ANK3: variants seen among roughly 807,000 people sequenced by gnomAD.
ANK3 encodes the protein ankyrin-3.
A neutral mutation model predicts 370.9 loss-of-function variants in ANK3; 57 were observed. That is an observed-to-expected ratio of 0.15 (90% CI 0.12 to 0.19). The LOEUF (loss-of-function observed/expected upper bound fraction) is 0.19. ANK3 is among the 10% of genes least tolerant of loss of function. The probability of loss-of-function intolerance (pLI) is 1.00; values close to 1 mark genes in which losing one functional copy is unlikely to be tolerated. For synonymous variants in ANK3, 1,929 were observed against 1,946.3 expected (o/e 0.99, Z 0.23); for missense variants, 4,439 against 5,302.1 (o/e 0.84, Z 5.06).
chr10:60,532,342 G>A (rs570306742), intron 2 of ANK3, among the ~76,000 whole-genome samples: 24 of 152,218 alleles, frequency 1.6e-4, no homozygotes, highest in African/African-American at 5.8e-4. Context: ...CCAGGGTGCT[G>A]CTGTACCTCC....
chr10:60,095,659 GGCGTGAGCC>G (rs2089967921), intron 28 of ANK3, among the ~76,000 whole-genome samples: 1 of 152,088 alleles, frequency 6.6e-6, no homozygotes, highest in Non-Finnish European at 1.5e-5. Context: ...TTGGATTACA[GGCGTGAGCC>G]GCTGTGCCTG....
At chr10:60,409,406 C>T (rs1257351746) in intron 2 of ANK3, among the ~76,000 whole-genome samples, 2 of 152,114 alleles carry the variant, frequency 1.3e-5, no homozygotes, top group African/African-American at 4.8e-5. Flanking sequence ...GAATATCAGT[C>T]TATGTGGGTA....
intron 1 of ANK3, among the ~76,000 whole-genome samples, chr10:60,288,291 G>A (rs1255924007): frequency 1.1e-4 from 16 of 152,012 alleles, no homozygotes; most frequent in South Asian, 4.2e-4. Context: ...ATCCCTTCTC[G>A]CTCTGGACTC....
At chr10:60,228,234 C>T (rs1487724151) in intron 8 of ANK3, among the ~76,000 whole-genome samples, 1 of 152,020 alleles carries the variant, frequency 6.6e-6, no homozygotes, top group Non-Finnish European at 1.5e-5. Context: ...TACTGAATAA[C>T]CTACTATAAA....
intron 1 of ANK3, among the ~76,000 whole-genome samples, chr10:60,632,627 C>T (rs2133341647): frequency 6.6e-6 from 1 of 152,092 alleles, no homozygotes; most frequent in African/African-American, 2.4e-5. Flanking sequence ...TGGTTCATGC[C>T]TATGGTCCCA....
At chr10:60,122,262 A>G (rs12220169) in intron 25 of ANK3, among the ~76,000 whole-genome samples, 25,833 of 152,250 alleles carry the variant, frequency 0.17, 2,690 homozygotes, top group East Asian at 0.55. Context: ...AAAGGTAGCC[A>G]GGAAGGTTCT....
intron 2 of ANK3, among the ~76,000 whole-genome samples, chr10:60,486,305 G>T (rs975125905): frequency 1.3e-5 from 2 of 152,156 alleles, no homozygotes; most frequent in Non-Finnish European, 1.5e-5. Flanking sequence ...GTGGTCAGGC[G>T]CAATGGCTCA....
At chr10:60,527,420 G>C (rs1443630905) in intron 2 of ANK3, among the ~76,000 whole-genome samples, 1 of 152,088 alleles carries the variant, frequency 6.6e-6, no homozygotes, top group African/African-American at 2.4e-5. Context: ...ACACGAGAGA[G>C]AGAGAAGGGT....
At chr10:60,365,361 GA>G (rs2059252042) in intron 1 of ANK3, among the ~76,000 whole-genome samples, 4 of 152,142 alleles carry the variant, frequency 2.6e-5, no homozygotes, top group African/African-American at 7.2e-5. Context: ...ATCCAAATCT[GA>G]TAACACCTAT....
At chr10:60,727,648 C>T (rs900257712) in intron 1 of ANK3, among the ~76,000 whole-genome samples, 13 of 152,092 alleles carry the variant, frequency 8.5e-5, no homozygotes, top group African/African-American at 3.1e-4. Context: ...ACTTGACATC[C>T]TTAGAAACAG....
intron 1 of ANK3, among the ~76,000 whole-genome samples, chr10:60,306,114 G>A (rs75230589): frequency 0.14 from 21,725 of 151,744 alleles, 1,654 homozygotes; most frequent in African/African-American, 0.18. Context: ...ACATTGATAA[G>A]CTATTTAGAG....
chr10:60,069,207 C>G lies in ANK3; in HGVS notation c.11674G>C (p.Val3892Leu). Residue 3892 changes from valine to leucine, a missense_variant, in exon 37 of 44, where the codon GTT (valine) becomes CTT (leucine). Val to Leu is a conservative substitution (Grantham distance 32). Around this residue, in one of 13 missense-constraint regions of ANK3, gnomAD observed 496 missense variants for 529.3 expected, o/e 0.94. Coordinates refer to ENST00000280772, the MANE Select transcript of ANK3 (RefSeq NM_020987.5). Reference sequence around the variant, plus strand: ...GCTTTGGTTTTCTCGGATTGACTAACCTGCTTCATTTTACTTGCTTTAGTG... The same window carrying G: ...GCTTTGGTTTTCTCGGATTGACTAAGCTGCTTCATTTTACTTGCTTTAGTG... Reference protein sequence around the residue: ...SNTKASKMKQVSQSEKTKALT... With the variant: ...SNTKASKMKQLSQSEKTKALT... 1 of 1,614,138 alleles carries G rather than the reference C, an allele frequency of 6.2e-7. No homozygotes were observed. The highest frequency in any genetic ancestry group is 8.5e-7 in the Non-Finnish European group (1 of 1,180,012).
chr10:60,468,997 G>GTA (rs71015794), intron 2 of ANK3, among the ~76,000 whole-genome samples: 592 of 23,238 alleles, frequency 0.025, 39 homozygotes, highest in African/African-American at 0.072. Context: ...CTTTTAGTGT[G>GTA]TATATATATA....
At chr10:60,582,466 C>T (rs975999868) in intron 2 of ANK3, among the ~76,000 whole-genome samples, 1 of 151,766 alleles carries the variant, frequency 6.6e-6, no homozygotes, top group African/African-American at 2.4e-5. Flanking sequence ...GTACACATTC[C>T]CAATCCAGTT....
At chr10:60,659,796 C>G (rs878941827) in intron 1 of ANK3, among the ~76,000 whole-genome samples, 1 of 151,870 alleles carries the variant, frequency 6.6e-6, no homozygotes, top group Admixed American at 6.6e-5. Flanking sequence ...TACACAAAGG[C>G]AAATTAAGAT....
chr10:60,316,495 A>C (rs1448377596), intron 1 of ANK3, among the ~76,000 whole-genome samples: 1 of 152,170 alleles, frequency 6.6e-6, no homozygotes, highest in African/African-American at 2.4e-5. Context: ...GAGCATAATA[A>C]CAGTTTTATT....
intron 1 of ANK3, among the ~76,000 whole-genome samples, chr10:60,288,833 T>C (rs1341810973): frequency 1.3e-5 from 2 of 151,674 alleles, no homozygotes; most frequent in Non-Finnish European, 2.9e-5. Context: ...GGAGATAAGA[T>C]CTGTGGGTCC....
intron 2 of ANK3, among the ~76,000 whole-genome samples, chr10:60,432,302 C>T (rs4072837): frequency 0.37 from 56,912 of 151,954 alleles, 10,934 homozygotes; most frequent in South Asian, 0.44. Flanking sequence ...ATGAAGGTAT[C>T]AAGAGTTTGG....
chr10:60,674,716 A>T (rs2079103387), intron 1 of ANK3, among the ~76,000 whole-genome samples: 1 of 152,238 alleles, frequency 6.6e-6, no homozygotes, highest in African/African-American at 2.4e-5. Flanking sequence ...AATGTATCTT[A>T]TGTCCCTTTG....
Sources: gnomAD v4.1 joint callset for allele counts (sites outside exome capture counted in the v4.1 genomes callset) on GRCh38, gnomAD v4.1.1 for gene constraint, gnomAD v4.1.1 regional missense constraint, MANE v1.5 for transcripts, NCBI Gene and HGNC (gene_info 2026-07-23, HGNC 2026-07-21) for gene names.